The following FGF14 variants were observed in gnomAD, a reference collection of about 807,000 sequenced individuals.
FGF14 encodes the protein fibroblast growth factor homologous factor 4.
FGF14 carries 5 observed loss-of-function variants against 25.5 expected under a neutral mutation model. The ratio of observed to expected loss-of-function variants is 0.20; its 90% CI spans 0.10 to 0.41. The LOEUF is 0.41. Ranked by LOEUF, FGF14 falls within the 10% of genes least tolerant of loss-of-function variation. FGF14 has a pLI of 1.00. For synonymous variants in FGF14, 138 were observed against 118.3 expected (o/e 1.17, Z -1.08); for missense variants, 222 against 320.1 (o/e 0.69, Z 2.34).
intron 1 of FGF14, among the ~76,000 whole-genome samples, chr13:102,261,308 C>T (rs963658419): frequency 1.3e-5 from 2 of 152,146 alleles, no homozygotes; most frequent in African/African-American, 4.8e-5. Flanking sequence ...TTTAATTCAG[C>T]TTGGTTGGAT....
At chr13:102,094,903 C>T (rs1451892836) in intron 1 of FGF14, among the ~76,000 whole-genome samples, 2 of 152,138 alleles carry the variant, frequency 1.3e-5, no homozygotes, top group Admixed American at 1.3e-4. Flanking sequence ...CACCCCCAAA[C>T]ACAATGTCCC....
intron 4 of FGF14, among the ~76,000 whole-genome samples, chr13:101,725,179 C>T (rs1336548542): frequency 1.3e-5 from 2 of 152,008 alleles, no homozygotes; most frequent in East Asian, 3.9e-4. Flanking sequence ...ATTAGAGCTT[C>T]TGTGGGCTTA....
At chr13:101,960,073 AAC>A (rs1219834821) in intron 1 of FGF14, among the ~76,000 whole-genome samples, 1 of 152,242 alleles carries the variant, frequency 6.6e-6, no homozygotes, top group African/African-American at 2.4e-5. Flanking sequence ...TTTGTTGACT[AAC>A]ACAAATCAGT....
At chr13:102,204,567 G>A (rs1478454209) in intron 1 of FGF14, among the ~76,000 whole-genome samples, 1 of 151,590 alleles carries the variant, frequency 6.6e-6, no homozygotes, top group African/African-American at 2.4e-5. Context: ...TATTTTTTGA[G>A]ACAGAGTCTT....
chr13:102,215,416 C>G (rs2050331250), intron 1 of FGF14, among the ~76,000 whole-genome samples: 1 of 152,020 alleles, frequency 6.6e-6, no homozygotes, highest in Non-Finnish European at 1.5e-5. Flanking sequence ...TTATTTTTTT[C>G]TCTGTACCTC....
intron 3 of FGF14, among the ~76,000 whole-genome samples, chr13:101,729,486 A>G (rs1463252828): frequency 1.3e-5 from 2 of 152,146 alleles, no homozygotes; most frequent in Non-Finnish European, 2.9e-5. Context: ...GTGGAGGCAG[A>G]CAGTAGGATT....
intron 1 of FGF14, among the ~76,000 whole-genome samples, chr13:102,250,610 A>G (rs764858424): frequency 1.8e-4 from 28 of 152,182 alleles, no homozygotes; most frequent in Admixed American, 6.5e-4. Flanking sequence ...GCATTTTGCT[A>G]TATTAAAAGC....
At chr13:101,835,561 C>A (rs553534838) in intron 3 of FGF14, among the ~76,000 whole-genome samples, 52 of 151,926 alleles carry the variant, frequency 3.4e-4, no homozygotes, top group South Asian at 2.9e-3. Context: ...TAGCTGTAGC[C>A]GAATATCAAG....
chr13:101,983,598 T>C (rs999156355), intron 1 of FGF14, among the ~76,000 whole-genome samples: 2 of 152,242 alleles, frequency 1.3e-5, no homozygotes, highest in African/African-American at 2.4e-5. Context: ...AAATTGCATT[T>C]TGTGTATGCA....
intron 1 of FGF14, among the ~76,000 whole-genome samples, chr13:102,005,666 G>A (rs9582544): frequency 0.033 from 5,073 of 152,214 alleles, 254 homozygotes; most frequent in African/African-American, 0.12. Context: ...AATAAAACAC[G>A]GAAAAGTCCA....
At chr13:102,196,160 A>C (rs1194976728) in intron 1 of FGF14, among the ~76,000 whole-genome samples, 3 of 152,236 alleles carry the variant, frequency 2.0e-5, no homozygotes, top group Non-Finnish European at 4.4e-5. Context: ...TACAATAGCT[A>C]TTATGATGAT....
chr13:101,902,935 T>A (rs530554266), intron 1 of FGF14, among the ~76,000 whole-genome samples: 2 of 152,324 alleles, frequency 1.3e-5, no homozygotes, highest in East Asian at 3.9e-4. Context: ...TGCTTCTCTC[T>A]CTCTTCCAAA....
At chr13:101,907,400 G>A (rs2032379344) in intron 1 of FGF14, among the ~76,000 whole-genome samples, 1 of 152,144 alleles carries the variant, frequency 6.6e-6, no homozygotes, top group South Asian at 2.1e-4. Flanking sequence ...TGGGTAAATG[G>A]TAGGTTTAAA....
chr13:101,807,255 A>G (rs2041254375), intron 3 of FGF14, among the ~76,000 whole-genome samples: 1 of 152,068 alleles, frequency 6.6e-6, no homozygotes, highest in African/African-American at 2.4e-5. Context: ...TGATCATTGA[A>G]AAGAATTAGA....
chr13:102,266,710 A>T (rs1233871353), intron 1 of FGF14, among the ~76,000 whole-genome samples: 1 of 152,188 alleles, frequency 6.6e-6, no homozygotes, highest in Admixed American at 6.5e-5. Flanking sequence ...GAGATAAAAC[A>T]TGAACTCACC....
chr13:102,077,048 C>A (rs2043397272), intron 1 of FGF14, among the ~76,000 whole-genome samples: 1 of 152,110 alleles, frequency 6.6e-6, no homozygotes, highest in Admixed American at 6.6e-5. Context: ...TATTTTCATA[C>A]ATAGTGTTGG....
intron 4 of FGF14, among the ~76,000 whole-genome samples, chr13:101,723,953 A>G (rs1014684940): frequency 6.6e-6 from 1 of 152,122 alleles, no homozygotes; most frequent in African/African-American, 2.4e-5. Context: ...AAGATGAACT[A>G]CCATATGCAT....
chr13:102,064,372 A>G (rs1484675807), intron 1 of FGF14, among the ~76,000 whole-genome samples: 1 of 152,172 alleles, frequency 6.6e-6, no homozygotes, highest in Non-Finnish European at 1.5e-5. Context: ...GTTCCTAGTC[A>G]GAGTACACTG....
intron 1 of FGF14, among the ~76,000 whole-genome samples, chr13:102,031,679 AG>A (rs1290936955): frequency 2.6e-5 from 4 of 151,924 alleles, no homozygotes; most frequent in Non-Finnish European, 5.9e-5. Flanking sequence ...AAAAAAAAAA[AG>A]CATAACAATA....
Sources: allele counts gnomAD v4.1 joint callset (sites outside exome capture counted in the v4.1 genomes callset), GRCh38; gene constraint gnomAD v4.1.1; transcripts MANE v1.5; gene names NCBI Gene and HGNC (gene_info 2026-07-23, HGNC 2026-07-21).